The following PLAA variants were observed in gnomAD, a reference collection of about 807,000 sequenced individuals.
The protein encoded by PLAA is phospholipase A2 activating protein.
In PLAA, 48 loss-of-function variants were observed where a neutral mutation model predicts 84.1. That is an observed-to-expected ratio of 0.57 (90% CI 0.45 to 0.73). PLAA has a LOEUF of 0.73. Among genes scored for constraint, PLAA ranks in the 30% least tolerant of loss-of-function variants. The pLI is 0.00. For synonymous variants in PLAA, 392 were observed against 336.6 expected, an observed-to-expected ratio of 1.16 and a Z score of -1.80; for missense variants, 903 against 954.7, an observed-to-expected ratio of 0.95 and a Z score of 0.71.
rs781648752 is a variant in PLAA, at chr9:26,905,464, G to A, written c.*47C>T. On this transcript the variant is annotated 3_prime_UTR_variant, in exon 14 of 14. Transcript: ENST00000397292. The stretch of plus-strand genomic sequence containing the variant: ...TGTTATCAGTCATGTCAAATGTGAG[G>A]AAAAAAACACTAATCAATTAAAAAT... 2.6e-5 allele frequency: 35 copies of A among 1,345,876 alleles called. No individual in the cohort carries two copies. The highest frequency in any genetic ancestry group is 2.6e-5 in the Non-Finnish European group (25 of 971,016). The allele number at this position is 1,345,876 out of a possible 1,614,324, so 83.4% of individuals were successfully genotyped here.
chr9:26,942,748 G>C (rs914901647), intron 1 of PLAA, among the ~76,000 whole-genome samples: 6 of 151,938 alleles, frequency 3.9e-5, no homozygotes, highest in Non-Finnish European at 8.8e-5. Context: ...CGGGCGCCGT[G>C]GCGGGCGCCT....
chr9:26,916,575 G>A, intron 10 of PLAA: 1 of 987,036 alleles, frequency 1.0e-6, no homozygotes, highest in Non-Finnish European at 1.2e-6. Context: ...AAATATGCCT[G>A]GGGAGACTTC....
chr9:26,947,204 A>C lies in PLAA; in HGVS notation c.-159T>G. 1 of 831,318 alleles carries C rather than the reference A, an allele frequency of 1.2e-6. No individual in the cohort carries two copies. The highest frequency in any genetic ancestry group is 1.8e-6 in the Non-Finnish European group (1 of 568,802). 51.5% of individuals were successfully genotyped at this position (831,318 alleles called of 1,614,324 possible). On this transcript the variant is annotated 5_prime_UTR_variant, in exon 1 of 14. Coordinates refer to ENST00000397292, the MANE Select transcript of PLAA (RefSeq NM_001031689.3). ...GAGCCGGTACGGAAGGGCGGCTGGG[A>C]AGGGGCGCGCCGAGCGGGCCGAGTG...
At chr9:26,939,007 T>G (rs1825441036) in intron 1 of PLAA, among the ~76,000 whole-genome samples, 1 of 152,166 alleles carries the variant, frequency 6.6e-6, no homozygotes, top group Non-Finnish European at 1.5e-5. Context: ...ATTAGAGGAT[T>G]ACAACTTTAG....
chr9:26,939,469 C>T (rs1825458890), intron 1 of PLAA, among the ~76,000 whole-genome samples: 1 of 118,808 alleles, frequency 8.4e-6, no homozygotes, highest in Non-Finnish European at 1.7e-5. Flanking sequence ...GACAGTAATG[C>T]AGGAGATGAG....
chr9:26,921,883 G>C (rs1251465695), intron 7 of PLAA, among the ~76,000 whole-genome samples: 2 of 152,162 alleles, frequency 1.3e-5, no homozygotes, highest in African/African-American at 4.8e-5. Context: ...CTAAGTTCCT[G>C]GTGGAGATAC....
At chr9:26,917,803 AAAAAAACAAAAAAC>A (rs894506509) in intron 9 of PLAA, among the ~76,000 whole-genome samples, 2 of 152,204 alleles carry the variant, frequency 1.3e-5, no homozygotes, top group Non-Finnish European at 1.5e-5. Context: ...GTTGTCCACA[AAAAAAACAAAAAAC>A]AAAAAACAAA....
intron 2 of PLAA, among the ~76,000 whole-genome samples, chr9:26,930,167 T>C (rs1825134283): frequency 6.6e-6 from 1 of 150,630 alleles, no homozygotes; most frequent in Non-Finnish European, 1.5e-5. Flanking sequence ...TGCAGCTGTG[T>C]GATCTCGGCT....
intron 2 of PLAA, among the ~76,000 whole-genome samples, chr9:26,933,324 A>G (rs1446110291): frequency 6.6e-6 from 1 of 150,882 alleles, no homozygotes; most frequent in East Asian, 1.9e-4. Context: ...AATCCCAGCT[A>G]CTCTGGAGGC....
chr9:26,935,390 T>C (rs557865469), intron 1 of PLAA, among the ~76,000 whole-genome samples, 184 bp from the exon 2 acceptor site: 82 of 152,292 alleles, frequency 5.4e-4, no homozygotes, highest in Middle Eastern at 3.4e-3. Flanking sequence ...GAGAATTACA[T>C]GAGATAAAGA....
chr9:26,920,140 G>A (rs1249444497), intron 8 of PLAA, 87 bp downstream of exon 8: 2 of 1,092,260 alleles, frequency 1.8e-6, no homozygotes, highest in East Asian at 2.4e-5. Context: ...TCAAAACAAA[G>A]GAAATTTTAT....
chr9:26,925,720 TCTC>T (rs1197843427), intron 6 of PLAA, 102 bp downstream of exon 6: 7 of 904,936 alleles, frequency 7.7e-6, no homozygotes, highest in Admixed American at 2.3e-5. Context: ...GTCCATATAG[TCTC>T]CTCAAGTCAC....
chr9:26,905,870 T>A lies in PLAA; in HGVS notation c.2029A>T (p.Met677Leu), dbSNP rs1298540669. 6.2e-7 allele frequency: 1 copy of A among 1,614,186 alleles called. No homozygotes were observed. ...FVGQAGQKLM[M>L]SQRESLMSHA... is the part of the protein sequence containing the mutation. Reference sequence around the variant, plus strand: ...GACATCAGTGATTCCCTCTGGGACATCATGAGTTTTTGTCCTGCCTGGCCA... The same window carrying A: ...GACATCAGTGATTCCCTCTGGGACAACATGAGTTTTTGTCCTGCCTGGCCA... Residue 677 changes from methionine to leucine, a missense_variant, in exon 14 of 14, where the codon ATG (methionine) becomes TTG (leucine). Coordinates refer to ENST00000397292, the MANE Select transcript of PLAA (RefSeq NM_001031689.3).
intron 1 of PLAA, among the ~76,000 whole-genome samples, chr9:26,939,950 A>G (rs1300872185): frequency 1.3e-5 from 2 of 152,234 alleles, no homozygotes; most frequent in East Asian, 3.8e-4. Context: ...GAAGACTTCA[A>G]TATCTCAATC....
chr9:26,911,698 CAATA>C (rs1224576329), intron 11 of PLAA, among the ~76,000 whole-genome samples: 1 of 152,156 alleles, frequency 6.6e-6, no homozygotes, highest in African/African-American at 2.4e-5. Flanking sequence ...CAGCAATATT[CAATA>C]AATAAAGTGA....
At chr9:26,920,478 TAAGAG>T (rs946663984) in intron 7 of PLAA, 94 bp from the exon 8 acceptor site, 10 of 699,876 alleles carry the variant, frequency 1.4e-5, no homozygotes, top group Middle Eastern at 2.6e-4. Context: ...AATTTACACA[TAAGAG>T]AATATGGATT....
At chr9:26,919,007 G>T (rs1018633274) in intron 9 of PLAA, among the ~76,000 whole-genome samples, 1 of 152,048 alleles carries the variant, frequency 6.6e-6, no homozygotes, top group Non-Finnish European at 1.5e-5. Flanking sequence ...ACTAAATTTT[G>T]CCAAAATATA....
chr9:26,907,859 C>T lies in PLAA; in HGVS notation c.1797G>A (p.Leu599=). 1 of 1,609,042 alleles carries T rather than the reference C, an allele frequency of 6.2e-7. No individual in the cohort carries two copies. The highest frequency in any genetic ancestry group is 8.5e-7 in the Non-Finnish European group (1 of 1,178,912). ...CTTCAGGACAGTTAATAGCTTTCCA[C>T]AAAATCTGAAGTTGCTGGACTGTGG... ...EKPTVQQLQI[L]WKAINCPEDI... is the part of the protein sequence containing the mutation. Residue 599 remains leucine (L), a synonymous_variant, in exon 13 of 14, where the codon TTG becomes TTA. Transcript: ENST00000397292.
intron 1 of PLAA, among the ~76,000 whole-genome samples, chr9:26,936,864 G>C (rs770228699): frequency 2.0e-5 from 3 of 152,140 alleles, no homozygotes; most frequent in Non-Finnish European, 4.4e-5. Flanking sequence ...TGCCCGGCCG[G>C]GCACAGTGGC....
Sources: allele counts gnomAD v4.1 joint callset (sites outside exome capture counted in the v4.1 genomes callset), GRCh38; gene constraint gnomAD v4.1.1; transcripts MANE v1.5; gene names NCBI Gene and HGNC (gene_info 2026-07-23, HGNC 2026-07-21).